Variants in ICA1L observed in about 807,000 individuals in gnomAD.
ICA1L encodes the protein islet cell autoantigen 1 like, also known as islet cell autoantigen 1-like protein.
A neutral mutation model predicts 61.3 loss-of-function variants in ICA1L; 50 were observed. The observed-to-expected ratio is 0.82, with a 90% CI of 0.65 to 1.03. The LOEUF is 1.03. Ranked by LOEUF, ICA1L falls within the 50% of genes least tolerant of loss-of-function variation. The pLI is 0.00. For missense variants in ICA1L, 508 were observed against 556.7 expected (o/e 0.91, Z 0.88); for synonymous variants, 161 against 191.3 (o/e 0.84, Z 1.31).
At chr2:202,814,223 A>G (rs182491833) in intron 8 of ICA1L, among the ~76,000 whole-genome samples, 1 of 152,186 alleles carries the variant, frequency 6.6e-6, no homozygotes, top group Admixed American at 6.5e-5. Flanking sequence ...ACCTAGTAGG[A>G]GGTGTTTGGG....
rs778355110 is a variant in ICA1L, at chr2:202,862,272, C to CA, written c.-8+9346dup. Among the ~76,000 whole-genome samples, 622 of 62,600 alleles carry CA rather than the reference C, an allele frequency of 9.9e-3. 36 individuals carry two copies. The highest frequency in any genetic ancestry group is 0.032 in the African/African-American group (383 of 11,984). 41.1% of individuals were successfully genotyped at this position (62,600 alleles called of 152,430 possible). A position where few individuals can be genotyped will look rare whatever the true frequency, so the allele number is the denominator to read the frequency against. ...GCAACACAGTAAGACCTCATTTCTACAAAAAAAAAAAAAAAAAAAAAAAAA... is the reference window on the plus strand; with the variant it reads ...GCAACACAGTAAGACCTCATTTCTACAAAAAAAAAAAAAAAAAAAAAAAAAA... On this transcript the variant is annotated intron_variant, in intron 1 of 12. Transcript: ENST00000358299.
intron 10 of ICA1L, among the ~76,000 whole-genome samples, chr2:202,794,734 C>T (rs1692871438): frequency 1.3e-5 from 2 of 151,992 alleles, no homozygotes; most frequent in South Asian, 4.2e-4. Context: ...AAGAAAACCT[C>T]ATTTACAATA....
Position 202,779,171 on chromosome 2 carries a change from C to G in ICA1L, c.*362G>C, listed in dbSNP as rs1431924789. The G allele has an allele frequency of 5.8e-6, 1 of 172,364 alleles. No individual in the cohort carries two copies. The highest frequency in any genetic ancestry group is 1.2e-5 in the Non-Finnish European group (1 of 81,888). 10.7% of individuals were successfully genotyped at this position (172,364 alleles called of 1,614,324 possible). A position where few individuals can be genotyped will look rare whatever the true frequency, so the allele number is the denominator to read the frequency against. ...CCACATATAAAATTCTCACAGCCAG[C>G]AAGGCAACTTAAAAGGGTTTCCAAA... On this transcript the variant is annotated 3_prime_UTR_variant, in exon 13 of 13. Coordinates refer to ENST00000358299, the MANE Select transcript of ICA1L (RefSeq NM_001288622.3).
chr2:202,800,766 A>G (rs769783360), intron 9 of ICA1L, among the ~76,000 whole-genome samples: 1 of 152,194 alleles, frequency 6.6e-6, no homozygotes, highest in Non-Finnish European at 1.5e-5. Context: ...TTAAAATTCT[A>G]TGCTCAGTTT....
intron 1 of ICA1L, among the ~76,000 whole-genome samples, chr2:202,845,243 G>A (rs1694434891): frequency 6.6e-6 from 1 of 152,106 alleles, no homozygotes; most frequent in Admixed American, 6.6e-5. Context: ...TTAGGACATG[G>A]ACATCTTTGG....
chr2:202,830,428 A>G (rs1305661050), intron 1 of ICA1L, among the ~76,000 whole-genome samples: 1 of 152,246 alleles, frequency 6.6e-6, no homozygotes, highest in Non-Finnish European at 1.5e-5. Context: ...AAAATAAAAA[A>G]TAACCTCCAA....
At chr2:202,806,973 A>G (rs919425040) in intron 9 of ICA1L, among the ~76,000 whole-genome samples, 2 of 152,234 alleles carry the variant, frequency 1.3e-5, no homozygotes, top group African/African-American at 4.8e-5. Context: ...GGAAAACTCA[A>G]AACTTAATCA....
At chr2:202,851,532 TG>T (rs1160655029) in intron 1 of ICA1L, among the ~76,000 whole-genome samples, 1 of 152,190 alleles carries the variant, frequency 6.6e-6, no homozygotes, top group Non-Finnish European at 1.5e-5. Flanking sequence ...TACCCAGTAA[TG>T]GGATGGCTGG....
chr2:202,841,400 C>T, intron 1 of ICA1L: 1 of 1,146,524 alleles, frequency 8.7e-7, no homozygotes, highest in Non-Finnish European at 1.3e-6. Flanking sequence ...TCTTCTGCTG[C>T]TGCAGGAGGG....
intron 1 of ICA1L, among the ~76,000 whole-genome samples, chr2:202,859,626 C>T (rs1321103429): frequency 6.6e-6 from 1 of 152,182 alleles, no homozygotes; most frequent in Non-Finnish European, 1.5e-5. Context: ...AAATCCCACA[C>T]TAAGCAGGTA....
intron 10 of ICA1L, among the ~76,000 whole-genome samples, chr2:202,796,229 T>C (rs1692922115): frequency 6.6e-6 from 1 of 152,142 alleles, no homozygotes; most frequent in Non-Finnish European, 1.5e-5. Flanking sequence ...TAGGAAAAGC[T>C]TCCTGACTAT....
chr2:202,848,493 A>T (rs1381214495), intron 1 of ICA1L, among the ~76,000 whole-genome samples: 1 of 152,184 alleles, frequency 6.6e-6, no homozygotes. Flanking sequence ...CTGGCAAACT[A>T]TGGCCTGCTG....
intron 1 of ICA1L, chr2:202,841,668 A>C: frequency 1.8e-6 from 1 of 568,412 alleles, no homozygotes. Flanking sequence ...AAGCTCAAGG[A>C]GCTGATGCAG....
intron 10 of ICA1L, among the ~76,000 whole-genome samples, chr2:202,791,474 C>A (rs1692747383): frequency 6.6e-6 from 1 of 152,182 alleles, no homozygotes; most frequent in African/African-American, 2.4e-5. Flanking sequence ...AAGGAAGATA[C>A]ACGAATGGAC....
At chr2:202,800,750 CTAT>C (rs1693067004) in intron 9 of ICA1L, among the ~76,000 whole-genome samples, 1 of 151,930 alleles carries the variant, frequency 6.6e-6, no homozygotes, top group Admixed American at 6.6e-5. Context: ...CTCTATTACA[CTAT>C]TATTAAAATT....
At chr2:202,825,838 G>T in intron 2 of ICA1L, 71 bp from the exon 3 acceptor site, 2 of 848,292 alleles carry the variant, frequency 2.4e-6, no homozygotes, top group Non-Finnish European at 3.5e-6. Context: ...CACCCCAAAA[G>T]CATAACATTT....
rs200033835 is a variant in ICA1L, at chr2:202,815,886, C to G, written c.783+25G>C. ...CCAAATGAAGAGTAATACATCTAAA[C>G]AAGAGAACATGGAACACAATGTACC... is the stretch of plus-strand genomic sequence containing the variant. On this transcript the variant is annotated intron_variant, in intron 7 of 12. Transcript: ENST00000358299. The G allele has an allele frequency of 1.4e-4, 199 of 1,375,446 alleles. No individual in the cohort carries two copies. In the South Asian group the frequency reaches 2.0e-3, roughly 14 times the overall value. 85.2% of individuals were successfully genotyped at this position (1,375,446 alleles called of 1,614,324 possible).
chr2:202,773,914 A>C lies in ICA1L; in HGVS notation c.*5619T>G. On this transcript the variant is annotated 3_prime_UTR_variant, in exon 13 of 13. Transcript: ENST00000358299. ...TAAACCAGTGGAATAAGAACAGTCAACGTAGAAAGAGACAGAAAGATTCTT... is the reference window on the plus strand; with the variant it reads ...TAAACCAGTGGAATAAGAACAGTCACCGTAGAAAGAGACAGAAAGATTCTT... 5 of 1,228,838 alleles carry C rather than the reference A, an allele frequency of 4.1e-6. No individual in the cohort carries two copies. Among genetic ancestry groups the C allele is most frequent in the Non-Finnish European group, 5.9e-6 (5 of 841,564 alleles). The allele number at this position is 1,228,838 out of a possible 1,614,324, so 76.1% of individuals were successfully genotyped here.
At chr2:202,843,961 C>A (rs542008573) in intron 1 of ICA1L, among the ~76,000 whole-genome samples, 2 of 152,186 alleles carry the variant, frequency 1.3e-5, no homozygotes, top group Non-Finnish European at 2.9e-5. Flanking sequence ...TTATCAGAAG[C>A]AATGAATGTG....
Sources: allele counts gnomAD v4.1 joint callset (sites outside exome capture counted in the v4.1 genomes callset), GRCh38; gene constraint gnomAD v4.1.1; transcripts MANE v1.5; gene names NCBI Gene and HGNC (gene_info 2026-07-23, HGNC 2026-07-21).